The following ADAM10 variants were observed in gnomAD, a reference collection of about 807,000 sequenced individuals.
ADAM10 encodes ADAM metallopeptidase domain 10.
A neutral mutation model predicts 90.1 loss-of-function variants in ADAM10; 17 were observed. The observed-to-expected ratio is 0.19, with a 90% confidence interval of 0.13 to 0.28. The LOEUF (loss-of-function observed/expected upper bound fraction) is 0.28, where lower values mean the gene tolerates loss of function less well. ADAM10 is among the 10% of genes least tolerant of loss of function. The pLI, the probability that ADAM10 is intolerant of heterozygous loss-of-function variation, is 1.00. For missense variants in ADAM10, 610 were observed against 914.3 expected, an observed-to-expected ratio of 0.67 and a Z score of 4.29; for synonymous variants, 310 against 298.6, an observed-to-expected ratio of 1.04 and a Z score of -0.40.
intron 3 of ADAM10, 96 bp from the exon 4 acceptor site, chr15:58,679,378 A>G: frequency 9.7e-7 from 1 of 1,035,326 alleles, no homozygotes; most frequent in Non-Finnish European, 1.5e-6. Flanking sequence ...ATATATACAC[A>G]CATGCATACA....
chr15:58,714,635 C>G (rs575337006), intron 2 of ADAM10, among the ~76,000 whole-genome samples: 1 of 152,152 alleles, frequency 6.6e-6, no homozygotes, highest in South Asian at 2.1e-4. Context: ...ACAAGTAACT[C>G]TAACTCAAAG....
At chr15:58,640,713 A>T in intron 8 of ADAM10, 64 bp downstream of exon 8, 1 of 1,490,134 alleles carries the variant, frequency 6.7e-7, no homozygotes, top group Non-Finnish European at 9.3e-7. Flanking sequence ...AAAATTCAAC[A>T]TTCTCTGAAA....
chr15:58,718,200 C>T (rs1401615358), intron 1 of ADAM10, among the ~76,000 whole-genome samples: 1 of 151,692 alleles, frequency 6.6e-6, no homozygotes, highest in Non-Finnish European at 1.5e-5. Flanking sequence ...AAAAAACTAT[C>T]GGGAACAAAT....
chr15:58,737,825 T>A (rs1394422078), intron 1 of ADAM10, among the ~76,000 whole-genome samples: 1 of 152,104 alleles, frequency 6.6e-6, no homozygotes, highest in Non-Finnish European at 1.5e-5. Context: ...TGCAAAAAAA[T>A]ACGGAATGAA....
chr15:58,625,871 G>C (rs1352664181), intron 10 of ADAM10, among the ~76,000 whole-genome samples: 1 of 152,138 alleles, frequency 6.6e-6, no homozygotes, highest in African/African-American at 2.4e-5. Flanking sequence ...TGAATCCCCA[G>C]GGAATTATGT....
chr15:58,646,230 C>A, intron 5 of ADAM10, 26 bp from the exon 6 acceptor site: 1 of 1,603,970 alleles, frequency 6.2e-7, no homozygotes, highest in Non-Finnish European at 8.5e-7. Flanking sequence ...TCATTTCTGA[C>A]AATTAGTATG....
intron 2 of ADAM10, among the ~76,000 whole-genome samples, chr15:58,707,030 GA>G (rs1206927412): frequency 1.4e-5 from 2 of 142,372 alleles, no homozygotes; most frequent in African/African-American, 2.6e-5. Flanking sequence ...AAAAAGAAAA[GA>G]AAAGATAAAA....
Position 58,594,760 on chromosome 15 carries a change from T to G in ADAM10, c.*2787A>C, listed in dbSNP as rs1354747037. ...ATTACAAGTAAAAATAACTAATTTA[T>G]AATTACCCAAATCAATCAATATTGA... On this transcript the variant is annotated 3_prime_UTR_variant, in exon 16 of 16. Coordinates refer to ENST00000260408, the MANE Select transcript of ADAM10 (RefSeq NM_001110.4). 6.6e-6 allele frequency: 1 copy of G among 152,188 alleles called. No individual in the cohort carries two copies. Among genetic ancestry groups the G allele is most frequent in the African/African-American group, 2.4e-5 (1 of 41,458 alleles). 9.4% of individuals were successfully genotyped at this position (152,188 alleles called of 1,614,324 possible).
chr15:58,717,049 C>T (rs2140815245), intron 2 of ADAM10, among the ~76,000 whole-genome samples: 1 of 152,220 alleles, frequency 6.6e-6, no homozygotes, highest in Admixed American at 6.5e-5. Flanking sequence ...GCATATAAAG[C>T]ATCTAGAACA....
chr15:58,676,271 T>C (rs1348412382), intron 4 of ADAM10: 7 of 455,686 alleles, frequency 1.5e-5, no homozygotes, highest in Non-Finnish European at 2.2e-5. Context: ...ATAAGTTTTC[T>C]AAGCCTCAGT....
chr15:58,636,381 A>G (rs1896252292), intron 8 of ADAM10, among the ~76,000 whole-genome samples: 1 of 152,204 alleles, frequency 6.6e-6, no homozygotes, highest in Admixed American at 6.5e-5. Context: ...TAACTCTGAA[A>G]GTTATGGTTT....
chr15:58,611,690 A>G, intron 12 of ADAM10, 118 bp downstream of exon 12: 1 of 954,326 alleles, frequency 1.0e-6, no homozygotes, highest in Non-Finnish European at 1.6e-6. Flanking sequence ...GTGAGGGAAT[A>G]TTACTTAAAC....
At chr15:58,636,963 T>A (rs758665664) in intron 8 of ADAM10, among the ~76,000 whole-genome samples, 1 of 152,162 alleles carries the variant, frequency 6.6e-6, no homozygotes, top group Non-Finnish European at 1.5e-5. Context: ...TCACATGCAA[T>A]GGGTAGGGAT....
At chr15:58,676,542 C>A (rs749553521) in intron 4 of ADAM10, among the ~76,000 whole-genome samples, 3 of 151,986 alleles carry the variant, frequency 2.0e-5, no homozygotes, top group Non-Finnish European at 4.4e-5. Context: ...GACATGAAAA[C>A]TAAGGGTAGC....
At chr15:58,707,133 A>G (rs370400607) in intron 2 of ADAM10, among the ~76,000 whole-genome samples, 2 of 151,718 alleles carry the variant, frequency 1.3e-5, no homozygotes, top group South Asian at 2.1e-4. Flanking sequence ...CTGTAATCCC[A>G]GCACTCTGAG....
intron 2 of ADAM10, among the ~76,000 whole-genome samples, chr15:58,703,485 G>A (rs1316872666): frequency 6.6e-6 from 1 of 152,062 alleles, no homozygotes; most frequent in Non-Finnish European, 1.5e-5. Context: ...AAGTATGTAT[G>A]TATACATACA....
intron 5 of ADAM10, among the ~76,000 whole-genome samples, chr15:58,663,197 C>T (rs1307604105): frequency 6.6e-6 from 1 of 152,156 alleles, no homozygotes; most frequent in Non-Finnish European, 1.5e-5. Flanking sequence ...TCCATCTAGA[C>T]TTTTTTGTTG....
chr15:58,703,992 A>C (rs1364324428), intron 2 of ADAM10: 1 of 152,896 alleles, frequency 6.5e-6, no homozygotes, highest in East Asian at 1.9e-4. Flanking sequence ...GTCCTCCTCT[A>C]TCGAGGATGG....
chr15:58,613,453 G>C (rs1026773909), intron 11 of ADAM10, among the ~76,000 whole-genome samples: 1 of 151,686 alleles, frequency 6.6e-6, no homozygotes, highest in Admixed American at 6.6e-5. Context: ...TCTAGCAACA[G>C]GTCCCAAAGA....
Sources: allele counts gnomAD v4.1 joint callset (sites outside exome capture counted in the v4.1 genomes callset), GRCh38; gene constraint gnomAD v4.1.1; transcripts MANE v1.5; gene names NCBI Gene and HGNC (gene_info 2026-07-23, HGNC 2026-07-21).